The following SATB2 variants were observed in gnomAD, a reference collection of about 807,000 sequenced individuals.
SATB2 encodes the protein DNA-binding protein SATB2.
In SATB2, 1 loss-of-function variant was observed where a neutral mutation model predicts 73.4. The ratio of observed to expected loss-of-function variants is 0.01; its 90% confidence interval spans 0.00 to 0.06. The LOEUF is 0.06. Among genes scored for constraint, SATB2 ranks in the 10% least tolerant of loss-of-function variants. SATB2 has a pLI of 1.00. For synonymous variants in SATB2, 397 were observed against 367.0 expected, an observed-to-expected ratio of 1.08 and a Z score of -0.93; for missense variants, 459 against 945.8, an observed-to-expected ratio of 0.49 and a Z score of 6.75.
chr2:199,287,848 G>A (rs1019960030), intron 10 of SATB2, among the ~76,000 whole-genome samples: 10 of 152,148 alleles, frequency 6.6e-5, no homozygotes, highest in Non-Finnish European at 1.3e-4. Flanking sequence ...ATTCTTCAGA[G>A]GAAGAAACAA....
At chr2:199,449,033 G>C (rs902252093) in intron 2 of SATB2, among the ~76,000 whole-genome samples, 5 of 152,110 alleles carry the variant, frequency 3.3e-5, no homozygotes, top group Non-Finnish European at 7.4e-5. Flanking sequence ...ATAGTTTGCT[G>C]ATAACTTTAT....
Position 199,360,525 on chromosome 2 carries a change from C to T in SATB2, c.700+8080G>A, listed in dbSNP as rs75866682. On this transcript the variant is annotated intron_variant, in intron 6 of 10. Transcript: ENST00000417098. ...CATGGCATGAGCTGCCCATCCTCAC[C>T]GTCCACTCCATCTCTAGAACCTTCC... 0.019 allele frequency among the ~76,000 whole-genome samples: 2,824 copies of T among 152,184 alleles called. 247 individuals carry two copies. In the East Asian group the frequency reaches 0.26, roughly 14 times the overall value.
chr2:199,334,001 G>A (rs938597626), intron 7 of SATB2, among the ~76,000 whole-genome samples: 2 of 152,188 alleles, frequency 1.3e-5, no homozygotes, highest in South Asian at 2.1e-4. Flanking sequence ...TGAAATGAGA[G>A]GTAGAACTGG....
At chr2:199,412,739 CA>C (rs1478290840) in intron 3 of SATB2, among the ~76,000 whole-genome samples, 1 of 151,324 alleles carries the variant, frequency 6.6e-6, no homozygotes, top group East Asian at 1.9e-4. Context: ...AAACAAAAAA[CA>C]AAAAACAAAC....
intron 2 of SATB2, among the ~76,000 whole-genome samples, chr2:199,447,933 GA>G (rs1692009646): frequency 2.7e-5 from 1 of 36,970 alleles, no homozygotes; most frequent in African/African-American, 4.3e-5. Context: ...TGCATCTTCT[GA>G]CTGTATAATT....
At chr2:199,329,650 C>T (rs764259359) in intron 7 of SATB2, among the ~76,000 whole-genome samples, 1 of 152,018 alleles carries the variant, frequency 6.6e-6, no homozygotes, top group South Asian at 2.1e-4. Flanking sequence ...ACAGTGTGCA[C>T]GGAATGCCAT....
At chr2:199,437,561 C>T (rs1691689645) in intron 2 of SATB2, among the ~76,000 whole-genome samples, 1 of 152,176 alleles carries the variant, frequency 6.6e-6, no homozygotes, top group African/African-American at 2.4e-5. Context: ...AGCACCAGGT[C>T]AGGGTCAAGT....
intron 10 of SATB2, among the ~76,000 whole-genome samples, chr2:199,299,712 A>G (rs1687225019): frequency 1.3e-5 from 2 of 152,186 alleles, no homozygotes; most frequent in Non-Finnish European, 2.9e-5. Context: ...TATTTGTTGA[A>G]TGAATAAGTA....
chr2:199,384,839 ATAATT>A (rs1253784814), intron 3 of SATB2, among the ~76,000 whole-genome samples: 4 of 152,238 alleles, frequency 2.6e-5, no homozygotes, highest in African/African-American at 4.8e-5. Context: ...GAGCATGAAT[ATAATT>A]TAATCTCAAA....
chr2:199,303,841 C>G (rs1687352737), intron 10 of SATB2, among the ~76,000 whole-genome samples: 1 of 152,154 alleles, frequency 6.6e-6, no homozygotes. Context: ...GTCTCACATT[C>G]TTATTCAATG....
chr2:199,352,065 G>T (rs895093346), intron 6 of SATB2, among the ~76,000 whole-genome samples: 3 of 152,150 alleles, frequency 2.0e-5, no homozygotes, highest in African/African-American at 7.2e-5. Flanking sequence ...TAGAGACGGG[G>T]TTTCACCCAT....
rs148817599 is a variant in SATB2, at chr2:199,278,161, T to C, written c.1741-5489A>G. Among the ~76,000 whole-genome samples, 440 of 152,256 alleles carry C rather than the reference T, an allele frequency of 2.9e-3. 11 individuals carry two copies. Among genetic ancestry groups the C allele is most frequent in the Admixed American group, 0.027 (407 of 15,296 alleles). On this transcript the variant is annotated intron_variant, in intron 10 of 10. Transcript: ENST00000417098. ...GAGAAGGCTCCCTACAGAGGCAGCA[T>C]TGGAGCCCAGGCATGAAGATGTGAA...
chr2:199,285,942 T>G (rs572721148), intron 10 of SATB2, among the ~76,000 whole-genome samples: 34 of 150,870 alleles, frequency 2.3e-4, no homozygotes, highest in South Asian at 8.4e-4. Context: ...ATGTTTTTAA[T>G]GCAGTTTAAT....
chr2:199,340,741 T>G (rs1015362800), intron 7 of SATB2, among the ~76,000 whole-genome samples: 2 of 152,170 alleles, frequency 1.3e-5, no homozygotes, highest in Admixed American at 6.5e-5. Flanking sequence ...AGAGAAGATA[T>G]GAGGATCGCA....
In SATB2 at chr2:199,332,215, G is replaced by A. The variant is rs550879347; in HGVS notation, c.1174-3305C>T. 1.1e-4 allele frequency among the ~76,000 whole-genome samples: 17 copies of A among 152,194 alleles called. No homozygotes were observed. The East Asian group carries it at 2.7e-3, about 24-fold the overall frequency. On this transcript the variant is annotated intron_variant, in intron 7 of 10. Transcript: ENST00000417098. ...AGTATTTTCCTCCTCGTAGGCAACAGAACCTTCTCCAGGGACACATTAAAA... is the reference window on the plus strand; with the variant it reads ...AGTATTTTCCTCCTCGTAGGCAACAAAACCTTCTCCAGGGACACATTAAAA...
At chr2:199,450,261 G>A (rs1009328900) in intron 2 of SATB2, among the ~76,000 whole-genome samples, 4 of 152,042 alleles carry the variant, frequency 2.6e-5, no homozygotes, top group Non-Finnish European at 5.9e-5. Context: ...GAGTGATGAT[G>A]CCAACATTTC....
At chr2:199,300,475 T>A (rs1422336243) in intron 10 of SATB2, among the ~76,000 whole-genome samples, 5 of 151,448 alleles carry the variant, frequency 3.3e-5, no homozygotes, top group African/African-American at 1.2e-4. Context: ...GTCTAAGGAG[T>A]ACTTTGCTAT....
intron 10 of SATB2, among the ~76,000 whole-genome samples, chr2:199,305,486 C>T (rs919233711): frequency 6.6e-6 from 1 of 151,964 alleles, no homozygotes; most frequent in Non-Finnish European, 1.5e-5. Context: ...TACATGTACC[C>T]CTGAACTTAA....
chr2:199,277,337 A>G (rs1692346585), intron 10 of SATB2, among the ~76,000 whole-genome samples: 1 of 152,196 alleles, frequency 6.6e-6, no homozygotes, highest in African/African-American at 2.4e-5. Context: ...AAACTATAAC[A>G]TATTTCGATA....
Sources: allele counts gnomAD v4.1 joint callset (sites outside exome capture counted in the v4.1 genomes callset), GRCh38; gene constraint gnomAD v4.1.1; transcripts MANE v1.5; gene names NCBI Gene and HGNC (gene_info 2026-07-23, HGNC 2026-07-21).